Variants in HERC6 observed in about 807,000 individuals in gnomAD.
HERC6 encodes the protein probable E3 ubiquitin-protein ligase HERC6.
A neutral mutation model predicts 114.5 loss-of-function variants in HERC6; 101 were observed. The observed-to-expected ratio is 0.88, with a 90% CI of 0.75 to 1.04. The LOEUF (loss-of-function observed/expected upper bound fraction) is 1.04. Among genes scored for constraint, HERC6 ranks in the 50% least tolerant of loss-of-function variants. HERC6 has a pLI of 0.00. For missense variants in HERC6, 1,133 were observed against 1,230.9 expected (o/e 0.92, Z 1.19); for synonymous variants, 408 against 436.2 (o/e 0.94, Z 0.81).
intron 1 of HERC6, among the ~76,000 whole-genome samples, chr4:88,381,248 C>T (rs1193246426): frequency 6.6e-6 from 1 of 152,066 alleles, no homozygotes; most frequent in Non-Finnish European, 1.5e-5. Context: ...GTCCTGCAAA[C>T]TTAACTGACA....
At chr4:88,393,247 T>C (rs1380420811) in intron 4 of HERC6, among the ~76,000 whole-genome samples, 1 of 151,966 alleles carries the variant, frequency 6.6e-6, no homozygotes, top group Admixed American at 6.6e-5. Context: ...TGTTTACTTT[T>C]AAAATTATGT....
In HERC6 at chr4:88,417,418, C is replaced by A; in HGVS notation, c.1559-7C>A. The A allele has an allele frequency of 6.2e-7, 1 of 1,605,786 alleles. No individual in the cohort carries two copies. The highest frequency in any genetic ancestry group is 1.3e-5 in the African/African-American group (1 of 74,948). On this transcript the variant is annotated splice_polypyrimidine_tract_variant and splice_region_variant and intron_variant, in intron 12 of 22. Transcript: ENST00000264346. ...CATATTTATCATGGCTAATTTTACA[C>A]CCCCAGAGAAGTGTTGGGCATTTTT...
chr4:88,397,660 T>G (rs1022335684), intron 7 of HERC6, among the ~76,000 whole-genome samples: 1 of 151,742 alleles, frequency 6.6e-6, no homozygotes, highest in Non-Finnish European at 1.5e-5. Flanking sequence ...TCGTCCAGCC[T>G]GGGCAACAGG....
At chr4:88,386,081 C>T (rs1224983020) in intron 3 of HERC6, among the ~76,000 whole-genome samples, 1 of 152,038 alleles carries the variant, frequency 6.6e-6, no homozygotes, top group East Asian at 1.9e-4. Context: ...AATGGAGAGT[C>T]TGAAGGAGGA....
intron 17 of HERC6, among the ~76,000 whole-genome samples, chr4:88,432,400 C>CA (rs1235048258): frequency 1.8e-3 from 189 of 106,952 alleles, no homozygotes; most frequent in Middle Eastern, 4.9e-3. Context: ...GACTCCGGCT[C>CA]AAAAAAAAAA....
intron 18 of HERC6, 70 bp from the exon 19 acceptor site, chr4:88,436,835 C>T (rs536936514): frequency 1.9e-6 from 2 of 1,045,514 alleles, no homozygotes; most frequent in African/African-American, 3.3e-5. Flanking sequence ...ACAACTTTTT[C>T]CATTGAAAAT....
At chr4:88,404,826 A>G (rs181808625) in intron 8 of HERC6, 50 bp from the exon 9 acceptor site, 46 of 1,602,438 alleles carry the variant, frequency 2.9e-5, no homozygotes, top group South Asian at 8.9e-5. Flanking sequence ...ATAATTTACT[A>G]CTGAACGTGT....
At chr4:88,416,840 C>T (rs1349938040) in intron 12 of HERC6, among the ~76,000 whole-genome samples, 1 of 152,018 alleles carries the variant, frequency 6.6e-6, no homozygotes, top group Non-Finnish European at 1.5e-5. Context: ...GTTTTAATTA[C>T]ATTTGCTTGA....
Position 88,428,770 on chromosome 4 carries a change from T to A in HERC6, c.2106+20T>A, listed in dbSNP as rs773014341. On this transcript the variant is annotated intron_variant, in intron 16 of 22. Coordinates refer to ENST00000264346, the MANE Select transcript of HERC6 (RefSeq NM_017912.4). ...TTAGTGGTACAGTAAAAAGTCTCATTGAACATTTTTACTTCTGTGGGAGGG... is the reference window on the plus strand; with the variant it reads ...TTAGTGGTACAGTAAAAAGTCTCATAGAACATTTTTACTTCTGTGGGAGGG... The A allele has an allele frequency of 5.1e-5, 76 of 1,481,300 alleles. No homozygotes were observed. Among genetic ancestry groups the A allele is most frequent in the Non-Finnish European group, 6.6e-5 (74 of 1,116,722 alleles). The allele number at this position is 1,481,300 out of a possible 1,614,324, so 91.8% of individuals were successfully genotyped here. A position where few individuals can be genotyped will look rare whatever the true frequency, so the allele number is the denominator to read the frequency against.
Position 88,426,467 on chromosome 4 carries a change from T to TTAG in HERC6, c.1935+1767_1935+1768insGTA, listed in dbSNP as rs578097881. ...ACAGGCGTGAGCCACCGCACCCGGC[T>TTAG]TATTATTATTATTATCATCATCATC... is the stretch of plus-strand genomic sequence containing the variant. On this transcript the variant is annotated intron_variant, in intron 15 of 22. Coordinates refer to ENST00000264346, the MANE Select transcript of HERC6 (RefSeq NM_017912.4). 9.9e-3 allele frequency among the ~76,000 whole-genome samples: 1,263 copies of TTAG among 127,608 alleles called. 19 individuals are homozygous for TTAG. The highest frequency in any genetic ancestry group is 0.051 in the Middle Eastern group (9 of 176). 83.7% of individuals were successfully genotyped at this position (127,608 alleles called of 152,430 possible). A position where few individuals can be genotyped will look rare whatever the true frequency, so the allele number is the denominator to read the frequency against.
chr4:88,416,978 A>G (rs1736540855), intron 12 of HERC6, among the ~76,000 whole-genome samples: 1 of 152,228 alleles, frequency 6.6e-6, no homozygotes, highest in Admixed American at 6.5e-5. Flanking sequence ...TTTAAAAAGT[A>G]CATGGCCATG....
At position 88,396,004 on chromosome 4, in the gene HERC6, T is replaced by A; in HGVS notation, c.760-11T>A. 4 of 1,572,578 alleles carry A rather than the reference T, an allele frequency of 2.5e-6. No homozygotes were observed. Among genetic ancestry groups the A allele is most frequent in the Non-Finnish European group, 2.6e-6 (3 of 1,162,166 alleles). The stretch of plus-strand genomic sequence containing the variant: ...ACCTGAAATTAATTTGATTCTTCCT[T>A]TGCTAAGCAGGACGGGAAAGTGTTC... On this transcript the variant is annotated splice_polypyrimidine_tract_variant and intron_variant, in intron 5 of 22. Coordinates refer to ENST00000264346, the MANE Select transcript of HERC6 (RefSeq NM_017912.4).
intron 1 of HERC6, among the ~76,000 whole-genome samples, chr4:88,380,995 T>A (rs1474179796): frequency 1.3e-5 from 2 of 152,126 alleles, no homozygotes; most frequent in African/African-American, 4.8e-5. Flanking sequence ...TACCCTTTCA[T>A]TTTGTATGTT....
chr4:88,413,184 T>C lies in HERC6; in HGVS notation c.1476T>C (p.His492=). ...FLLLPECPVM[H]DSKNWKNLVV... ...TGCTCCCAGAATGTCCTGTGATGCA[T>C]GATTCTAAGAACTGGAAGAACCTGG... is the stretch of plus-strand genomic sequence containing the variant. The change falls in exon 12 of 23, where the codon CAT becomes CAC. Residue 492 remains histidine, a synonymous_variant. Coordinates refer to ENST00000264346, the MANE Select transcript of HERC6 (RefSeq NM_017912.4). 6.2e-7 allele frequency: 1 copy of C among 1,613,590 alleles called. No individual in the cohort carries two copies. Among genetic ancestry groups the C allele is most frequent in the Non-Finnish European group, 8.5e-7 (1 of 1,179,610 alleles).
At chr4:88,396,312 T>C (rs548530919) in intron 6 of HERC6, among the ~76,000 whole-genome samples, 170 bp downstream of exon 6, 1 of 152,304 alleles carries the variant, frequency 6.6e-6, no homozygotes, top group East Asian at 1.9e-4. Flanking sequence ...TTCTAGATAT[T>C]TTATTTATTT....
In HERC6 at chr4:88,440,171, C is replaced by T. The variant is rs117473506; in HGVS notation, c.2763C>T (p.Tyr921=). The T allele has an allele frequency of 1.7e-3, 2,732 of 1,608,962 alleles. 62 individuals are homozygous for T. The Admixed American group carries it at 0.039, about 23-fold the overall frequency. ...AGAATTCAAAGTATGAGCAAGGATA[C>T]CAAAAATCACATCCTACTATACAGT... ...FEQNSKYEQG[Y]QKSHPTIQLF... Residue 921 remains tyrosine, a synonymous_variant, in exon 22 of 23, where the codon TAC becomes TAT. Coordinates refer to ENST00000264346, the MANE Select transcript of HERC6 (RefSeq NM_017912.4).
chr4:88,396,082 A>G lies in HERC6; in HGVS notation c.827A>G (p.Lys276Arg). The change falls in exon 6 of 23, where the codon AAG becomes AGG. Residue 276 changes from lysine (K) to arginine (R), a missense_variant. Physicochemically the swap from Lys to Arg is conservative, Grantham distance 26 (BLOSUM62 2). Coordinates refer to ENST00000264346, the MANE Select transcript of HERC6 (RefSeq NM_017912.4). Reference protein sequence around the residue: ...GQLGYSPTPEKRGPQLVERID... With the variant: ...GQLGYSPTPERRGPQLVERID... ...CTGGGATACAGCCCCACTCCTGAGA[A>G]GAGAGGTCCACAACTTGTGGAAAGA... is the stretch of plus-strand genomic sequence containing the variant. 1 of 1,609,324 alleles carries G rather than the reference A, an allele frequency of 6.2e-7. No homozygotes were observed. Among genetic ancestry groups the G allele is most frequent in the Non-Finnish European group, 8.5e-7 (1 of 1,177,712 alleles).
rs758675853 is a variant in HERC6 at position 88,390,849 on chromosome 4, C to A, written c.634C>A (p.Gln212Lys). The A allele has an allele frequency of 1.4e-5, 22 of 1,613,682 alleles. No homozygotes were observed. Among genetic ancestry groups the A allele is most frequent in the South Asian group, 2.2e-5 (2 of 91,068 alleles). Residue 212 changes from glutamine (Q) to lysine (K), a missense_variant, in exon 4 of 23, where the codon CAG becomes AAG. Around this residue, in one of 3 missense-constraint regions of HERC6, gnomAD observed 735 missense variants for 754.0 expected, o/e 0.97. Transcript: ENST00000264346. ...TGGCTGGGGAAGTAACAGTGCCGGG[C>A]AGCTGGCCCTCAGTGGGCGTAATGT... ...SFGWGSNSAGQLALSGRNVPV... is the reference protein window; with the variant it reads ...SFGWGSNSAGKLALSGRNVPV...
intron 13 of HERC6, among the ~76,000 whole-genome samples, chr4:88,419,270 C>T (rs1025662482): frequency 2.0e-5 from 3 of 152,072 alleles, no homozygotes; most frequent in South Asian, 4.1e-4. Context: ...TTAGGGTCAC[C>T]AAGAATGCAA....
Sources: gnomAD v4.1 joint callset for allele counts (sites outside exome capture counted in the v4.1 genomes callset) on GRCh38, gnomAD v4.1.1 for gene constraint, gnomAD v4.1.1 regional missense constraint, MANE v1.5 for transcripts, NCBI Gene and HGNC (gene_info 2026-07-23, HGNC 2026-07-21) for gene names.